The following KCNN2 variants were observed in gnomAD, a reference collection of about 807,000 sequenced individuals.
KCNN2 encodes small conductance calcium-activated potassium channel protein 2.
A neutral mutation model predicts 55.5 loss-of-function variants in KCNN2; 24 were observed. The observed-to-expected ratio is 0.43, with a 90% CI of 0.31 to 0.61. The LOEUF is 0.61. Ranked by LOEUF, KCNN2 falls within the 20% of genes least tolerant of loss-of-function variation. The pLI is 0.08. For synonymous variants in KCNN2, 431 were observed against 336.1 expected (o/e 1.28, Z -3.09); for missense variants, 754 against 853.6 (o/e 0.88, Z 1.45).
At chr5:114,237,962 A>C (rs1754538152) in intron 2 of KCNN2, among the ~76,000 whole-genome samples, 1 of 152,220 alleles carries the variant, frequency 6.6e-6, no homozygotes, top group Non-Finnish European at 1.5e-5. Context: ...CTTCTGACTT[A>C]CTTAGCTCAG....
chr5:114,219,007 C>A (rs4521461), intron 1 of KCNN2, among the ~76,000 whole-genome samples: 120,363 of 152,112 alleles, frequency 0.79, 48,034 homozygotes, highest in East Asian at 0.89. Context: ...CTGGCAGGAA[C>A]AAACTCCATT....
At chr5:114,270,522 C>G (rs1392135339) in intron 2 of KCNN2, among the ~76,000 whole-genome samples, 1 of 152,092 alleles carries the variant, frequency 6.6e-6, no homozygotes, top group African/African-American at 2.4e-5. Context: ...CTGTGCATGT[C>G]AATACTCTTG....
At chr5:114,409,950 A>G (rs892458201) in intron 3 of KCNN2, among the ~76,000 whole-genome samples, 1 of 152,126 alleles carries the variant, frequency 6.6e-6, no homozygotes, top group Admixed American at 6.5e-5. Flanking sequence ...TGTGGCCTAC[A>G]TTTGTTAATA....
chr5:114,407,595 C>G (rs1337415497), intron 3 of KCNN2, among the ~76,000 whole-genome samples: 1 of 152,134 alleles, frequency 6.6e-6, no homozygotes, highest in Admixed American at 6.5e-5. Flanking sequence ...AATTTGTCAG[C>G]TGCAGGCTTT....
intron 1 of KCNN2, among the ~76,000 whole-genome samples, chr5:114,213,463 T>G (rs980930504): frequency 2.0e-5 from 3 of 151,882 alleles, no homozygotes; most frequent in African/African-American, 7.2e-5. Context: ...TCCAATAAAT[T>G]GTCAAGAAAG....
intron 3 of KCNN2, among the ~76,000 whole-genome samples, chr5:114,456,443 G>A (rs1035175082): frequency 7.2e-5 from 11 of 152,152 alleles, no homozygotes; most frequent in Admixed American, 5.9e-4. Context: ...CACTGACAAT[G>A]CACTTGGTCA....
At chr5:114,076,849 A>C (rs1968912) in intron 1 of KCNN2, among the ~76,000 whole-genome samples, 21,132 of 152,020 alleles carry the variant, frequency 0.14, 1,564 homozygotes, top group Middle Eastern at 0.17. Context: ...ACGTGCCAAC[A>C]TGCCCGGCTA....
intron 1 of KCNN2, among the ~76,000 whole-genome samples, chr5:114,156,523 G>A (rs939854256): frequency 2.0e-5 from 3 of 152,034 alleles, no homozygotes; most frequent in Admixed American, 6.6e-5. Flanking sequence ...AGGATGGAAG[G>A]TTTTTCCATT....
intron 3 of KCNN2, among the ~76,000 whole-genome samples, chr5:114,413,590 T>C (rs1759202762): frequency 6.6e-6 from 1 of 152,150 alleles, no homozygotes; most frequent in Non-Finnish European, 1.5e-5. Context: ...CCTGGCCTTG[T>C]TTTTATTTTT....
chr5:114,340,933 A>C (rs1441716077), intron 2 of KCNN2, among the ~76,000 whole-genome samples: 2 of 152,100 alleles, frequency 1.3e-5, no homozygotes, highest in African/African-American at 4.8e-5. Flanking sequence ...AAGGTCATGC[A>C]TTGTTTGTTT....
At chr5:114,364,466 A>G (rs948178798) in intron 2 of KCNN2, among the ~76,000 whole-genome samples, 2 of 152,138 alleles carry the variant, frequency 1.3e-5, no homozygotes, top group Admixed American at 1.3e-4. Context: ...AATTTATATA[A>G]ATGAGATATG....
At chr5:114,136,807 A>C (rs1362557695) in intron 1 of KCNN2, among the ~76,000 whole-genome samples, 1 of 152,196 alleles carries the variant, frequency 6.6e-6, no homozygotes, top group Non-Finnish European at 1.5e-5. Flanking sequence ...AAAGCACTTA[A>C]TTATATTAAG....
chr5:114,350,456 T>A (rs1467950504), intron 2 of KCNN2, among the ~76,000 whole-genome samples: 1 of 151,926 alleles, frequency 6.6e-6, no homozygotes, highest in Non-Finnish European at 1.5e-5. Flanking sequence ...ACAAGTTTTT[T>A]ATTTTGATTA....
intron 1 of KCNN2, among the ~76,000 whole-genome samples, chr5:114,109,550 T>C (rs1158274766): frequency 6.6e-6 from 1 of 152,064 alleles, no homozygotes; most frequent in African/African-American, 2.4e-5. Flanking sequence ...ATGCACACTT[T>C]TTTTTGTCTT....
At position 114,123,508 on chromosome 5, in the gene KCNN2, G is replaced by A. The variant is rs980158816; in HGVS notation, c.-271+67008G>A. ...CTCCCGCGTAGCTGGGACTACAGGC[G>A]CCCGCCACCACGCCCGGCTAATTTT... On this transcript the variant is annotated intron_variant, in intron 1 of 10. Coordinates refer to the KCNN2 transcript ENST00000512097. Among the ~76,000 whole-genome samples, 25 of 119,108 alleles carry A rather than the reference G, an allele frequency of 2.1e-4. 6 individuals carry two copies. The highest frequency in any genetic ancestry group is 8.3e-4 in the African/African-American group (22 of 26,422). 78.1% of individuals were successfully genotyped at this position (119,108 alleles called of 152,430 possible).
chr5:114,157,950 G>T (rs1752675415), intron 1 of KCNN2, among the ~76,000 whole-genome samples: 1 of 151,632 alleles, frequency 6.6e-6, no homozygotes. Context: ...CCATTCTGTA[G>T]GTTGCGTGTT....
chr5:114,128,863 AT>A (rs1046613385), intron 1 of KCNN2, among the ~76,000 whole-genome samples: 22 of 152,196 alleles, frequency 1.4e-4, no homozygotes, highest in African/African-American at 5.3e-4. Context: ...CCTACTCCAA[AT>A]TCAGATTAAT....
At chr5:114,056,015 CCG>C (rs1230395840), upstream of KCNN2, 1 of 220,866 alleles carries the variant, frequency 4.5e-6, no homozygotes, top group African/African-American at 2.3e-5. Flanking sequence ...ATTCGGGCCC[CCG>C]CCTGCAGGAC....
intron 1 of KCNN2, among the ~76,000 whole-genome samples, chr5:114,180,966 AGTTG>A (rs904371261): frequency 2.1e-3 from 318 of 152,276 alleles, no homozygotes; most frequent in African/African-American, 7.3e-3. Context: ...ATGTATGAGT[AGTTG>A]GTTCTTTTTT....
Sources: gnomAD v4.1 joint callset for allele counts (sites outside exome capture counted in the v4.1 genomes callset) on GRCh38, gnomAD v4.1.1 for gene constraint, MANE v1.5 for transcripts, NCBI Gene and HGNC (gene_info 2026-07-23, HGNC 2026-07-21) for gene names.